The following IGFBPL1 variants were observed in gnomAD, a reference collection of about 807,000 sequenced individuals.
IGFBPL1 encodes the protein insulin like growth factor binding protein like 1.
In IGFBPL1, 20 loss-of-function variants were observed where a neutral mutation model predicts 23.9. That is an observed-to-expected ratio of 0.84 (90% CI 0.59 to 1.22). The LOEUF is 1.22. Among genes scored for constraint, IGFBPL1 ranks in the 50% most tolerant of loss-of-function variants. The pLI, the probability that IGFBPL1 is intolerant of heterozygous loss-of-function variation, is 0.00. For synonymous variants in IGFBPL1, 184 were observed against 171.8 expected (o/e 1.07, Z -0.56); for missense variants, 436 against 379.3 (o/e 1.15, Z -1.24).
intron 1 of IGFBPL1, among the ~76,000 whole-genome samples, chr9:38,418,465 G>C (rs1483194179): frequency 2.0e-5 from 3 of 152,178 alleles, no homozygotes; most frequent in African/African-American, 4.8e-5. Context: ...GCTGTCCTTA[G>C]GCATCTCCTC....
At chr9:38,416,712 A>G (rs547675351) in intron 1 of IGFBPL1, among the ~76,000 whole-genome samples, 1 of 147,314 alleles carries the variant, frequency 6.8e-6, no homozygotes, top group African/African-American at 2.5e-5. Flanking sequence ...GTCTCATGTT[A>G]TCCTCAGACT....
At chr9:38,410,762 G>T (rs1420983922) in intron 4 of IGFBPL1, among the ~76,000 whole-genome samples, 1 of 152,216 alleles carries the variant, frequency 6.6e-6, no homozygotes, top group Non-Finnish European at 1.5e-5. Context: ...CTTATAAAGT[G>T]ATCCCTTTCC....
At chr9:38,419,762 G>A (rs902747472) in intron 1 of IGFBPL1, among the ~76,000 whole-genome samples, 1 of 152,210 alleles carries the variant, frequency 6.6e-6, no homozygotes, top group African/African-American at 2.4e-5. Context: ...TTACCAGTGA[G>A]AAGCTGAACC....
At chr9:38,415,202 A>T (rs753603248) in intron 1 of IGFBPL1, among the ~76,000 whole-genome samples, 2 of 152,230 alleles carry the variant, frequency 1.3e-5, no homozygotes, top group Admixed American at 6.5e-5. Flanking sequence ...TGTGATATGC[A>T]AGTGAGGGCC....
Position 38,424,178 on chromosome 9 carries a change from C to T in IGFBPL1, c.247G>A (p.Gly83Arg), listed in dbSNP as rs888054516. ...CATACCAGGCCGGGGCCACAGCGCC[C>T]GCCGGCGCGGCCCCCGCAGCTCGCG... Reference protein sequence around the residue: ...EGASCGGRAGGRCGPGLVCAS... With the variant: ...EGASCGGRAGRRCGPGLVCAS... The change falls in exon 1 of 5, where the codon GGG becomes AGG. Residue 83 changes from glycine to arginine, a missense_variant. Coordinates refer to ENST00000377694, the MANE Select transcript of IGFBPL1 (RefSeq NM_001007563.3). 4.3e-5 allele frequency: 50 copies of T among 1,165,294 alleles called. No individual in the cohort carries two copies. Among genetic ancestry groups the T allele is most frequent in the Admixed American group, 3.3e-4 (7 of 21,312 alleles). The allele number at this position is 1,165,294 out of a possible 1,614,324, so 72.2% of individuals were successfully genotyped here. A position where few individuals can be genotyped will look rare whatever the true frequency, so the allele number is the denominator to read the frequency against.
intron 4 of IGFBPL1, among the ~76,000 whole-genome samples, chr9:38,410,354 G>C (rs561319571): frequency 6.6e-6 from 1 of 152,068 alleles, no homozygotes; most frequent in Non-Finnish European, 1.5e-5. Context: ...GTGGTGGCGG[G>C]TGCCTGTAGT....
In IGFBPL1 at chr9:38,408,632, C is replaced by T. The variant is rs1295183548; in HGVS notation, c.*595G>A. 1.3e-5 allele frequency among the ~76,000 whole-genome samples: 2 copies of T among 152,100 alleles called. No individual in the cohort carries two copies. Among genetic ancestry groups the T allele is most frequent in the African/African-American group, 4.8e-5 (2 of 41,406 alleles). On this transcript the variant is annotated 3_prime_UTR_variant, in exon 5 of 5. Coordinates refer to ENST00000377694, the MANE Select transcript of IGFBPL1 (RefSeq NM_001007563.3). ...AATGGAATTTGTTTCTGAGGGAATA[C>T]CATTTTAGAAAGAACACTAAGACCA...
Position 38,424,322 on chromosome 9 carries a change from G to T in IGFBPL1, c.103C>A (p.Arg35Ser). ...SLGIRDVGGR[R>S]PKCGPCRPEG... The stretch of plus-strand genomic sequence containing the variant: ...GGCCGGCACGGACCACACTTGGGGC[G>T]CCGGCCGCCCACGTCGCGGATCCCA... Residue 35 changes from arginine to serine, a missense_variant, in exon 1 of 5, where the codon CGC becomes AGC. By Grantham distance (110) the Arg-to-Ser change is moderately radical. Coordinates refer to ENST00000377694, the MANE Select transcript of IGFBPL1 (RefSeq NM_001007563.3). 1 of 1,164,480 alleles carries T rather than the reference G, an allele frequency of 8.6e-7. No individual in the cohort carries two copies. Among genetic ancestry groups the T allele is most frequent in the Non-Finnish European group, 1.2e-6 (1 of 860,372 alleles). 72.1% of individuals were successfully genotyped at this position (1,164,480 alleles called of 1,614,324 possible). A position where few individuals can be genotyped will look rare whatever the true frequency, so the allele number is the denominator to read the frequency against.
chr9:38,419,531 T>A (rs1362821735), intron 1 of IGFBPL1, among the ~76,000 whole-genome samples: 1 of 152,076 alleles, frequency 6.6e-6, no homozygotes, highest in Non-Finnish European at 1.5e-5. Context: ...AGATTCAGGG[T>A]CTCAGGAGCT....
rs35229194 is a variant in IGFBPL1, at chr9:38,408,253, C to CAAAAA, written c.*969_*973dup. Among the ~76,000 whole-genome samples the CAAAAA allele has an allele frequency of 0.064, 4,454 of 69,994 alleles. 780 individuals are homozygous for CAAAAA. The highest frequency in any genetic ancestry group is 0.097 in the Non-Finnish European group (3,445 of 35,684). 45.9% of individuals were successfully genotyped at this position (69,994 alleles called of 152,430 possible). A position where few individuals can be genotyped will look rare whatever the true frequency, so the allele number is the denominator to read the frequency against. On this transcript the variant is annotated 3_prime_UTR_variant, in exon 5 of 5. Coordinates refer to ENST00000377694, the MANE Select transcript of IGFBPL1 (RefSeq NM_001007563.3). The stretch of plus-strand genomic sequence containing the variant: ...GCAACATAGGGAGACCCTGTCTCTA[C>CAAAAA]AAAAAAAAAAAAAAAAAAAAAAAAA...
In IGFBPL1 at chr9:38,424,323, C is replaced by T; in HGVS notation, c.102G>A (p.Arg34=). The T allele has an allele frequency of 8.6e-7, 1 of 1,161,510 alleles. No individual in the cohort carries two copies. Among genetic ancestry groups the T allele is most frequent in the Non-Finnish European group, 1.2e-6 (1 of 856,988 alleles). 72.0% of individuals were successfully genotyped at this position (1,161,510 alleles called of 1,614,324 possible). ...GCCGGCACGGACCACACTTGGGGCGCCGGCCGCCCACGTCGCGGATCCCAA... is the reference window on the plus strand; with the variant it reads ...GCCGGCACGGACCACACTTGGGGCGTCGGCCGCCCACGTCGCGGATCCCAA... ...PSLGIRDVGG[R]RPKCGPCRPE... is the part of the protein sequence containing the mutation. The change falls in exon 1 of 5, where the codon CGG becomes CGA. Residue 34 remains arginine, a synonymous_variant. Transcript: ENST00000377694.
chr9:38,424,214 C>T lies in IGFBPL1; in HGVS notation c.211G>A (p.Gly71Arg), dbSNP rs1462040822. 1.7e-6 allele frequency: 2 copies of T among 1,182,678 alleles called. No individual in the cohort carries two copies. The highest frequency in any genetic ancestry group is 2.1e-6 in the Non-Finnish European group (2 of 957,716). The allele number at this position is 1,182,678 out of a possible 1,614,324, so 73.3% of individuals were successfully genotyped here. ...CCCCCGCAGCTCGCGCCCTCGGCTC[C>T]CAGGCAGCGGGCGCAGCAGCCGCAC... ...DECGCCARCLGAEGASCGGRA... is the reference protein window; with the variant it reads ...DECGCCARCLRAEGASCGGRA... The change falls in exon 1 of 5, where the codon GGA (glycine) becomes AGA (arginine). Residue 71 changes from glycine (G) to arginine (R), a missense_variant. Coordinates refer to ENST00000377694, the MANE Select transcript of IGFBPL1 (RefSeq NM_001007563.3).
chr9:38,420,892 T>C lies in IGFBPL1; in HGVS notation c.460+3073A>G, dbSNP rs139580501. 8.9e-3 allele frequency among the ~76,000 whole-genome samples: 1,349 copies of C among 152,182 alleles called. 26 individuals are homozygous for C. Among genetic ancestry groups the C allele is most frequent in the African/African-American group, 0.03 (1,235 of 41,554 alleles). On this transcript the variant is annotated intron_variant, in intron 1 of 4. Transcript: ENST00000377694. ...ACCTACACTGGAGCCCTTTCACAGC[T>C]GGGACCAGCCAGGTGGCTCCAGGGA...
chr9:38,422,612 G>A (rs900576452), intron 1 of IGFBPL1, among the ~76,000 whole-genome samples: 3 of 152,186 alleles, frequency 2.0e-5, no homozygotes, highest in Non-Finnish European at 2.9e-5. Flanking sequence ...AGAGGGGAAG[G>A]GACCCGTCCA....
intron 4 of IGFBPL1, 94 bp downstream of exon 4, chr9:38,411,297 C>G: frequency 9.3e-7 from 1 of 1,077,710 alleles, no homozygotes; most frequent in Non-Finnish European, 1.3e-6. Flanking sequence ...CCTCCATTTA[C>G]GTATTTTTCT....
chr9:38,414,479 C>T (rs1821564577), intron 1 of IGFBPL1, among the ~76,000 whole-genome samples: 1 of 152,180 alleles, frequency 6.6e-6, no homozygotes, highest in Non-Finnish European at 1.5e-5. Context: ...TGTGGCAGAG[C>T]TTGGGCCTCA....
At chr9:38,418,244 G>GC (rs1385169925) in intron 1 of IGFBPL1, among the ~76,000 whole-genome samples, 3 of 152,224 alleles carry the variant, frequency 2.0e-5, no homozygotes, top group Non-Finnish European at 4.4e-5. Context: ...AGGAAGGACA[G>GC]CGTGGCAGGC....
intron 2 of IGFBPL1, 95 bp from the exon 3 acceptor site, chr9:38,413,448 C>A: frequency 1.3e-6 from 1 of 751,958 alleles, no homozygotes. Context: ...CTTCCTCCTC[C>A]TCCCACTGAC....
chr9:38,410,962 G>A (rs995810641), intron 4 of IGFBPL1, among the ~76,000 whole-genome samples: 1 of 152,242 alleles, frequency 6.6e-6, no homozygotes, highest in Non-Finnish European at 1.5e-5. Context: ...CAGGAAGGAA[G>A]CTCAGGTGTC....
Sources: allele counts gnomAD v4.1 joint callset (sites outside exome capture counted in the v4.1 genomes callset), GRCh38; gene constraint gnomAD v4.1.1; transcripts MANE v1.5; gene names NCBI Gene and HGNC (gene_info 2026-07-23, HGNC 2026-07-21).